Variants in GRID2 observed in about 807,000 individuals in gnomAD.
GRID2 encodes glutamate receptor ionotropic, delta-2.
Under a neutral mutation model 114.8 loss-of-function variants are expected in GRID2, and 33 were observed. That is an observed-to-expected ratio of 0.29 (90% CI 0.22 to 0.38). GRID2 has a LOEUF of 0.38. GRID2 is among the 10% of genes least tolerant of loss of function. GRID2 has a pLI of 1.00. For synonymous variants in GRID2, 505 were observed against 449.9 expected (o/e 1.12, Z -1.55); for missense variants, 1,184 against 1,257.7 (o/e 0.94, Z 0.89).
intron 1 of GRID2, among the ~76,000 whole-genome samples, chr4:92,356,783 A>T (rs1247950809): frequency 6.6e-6 from 1 of 151,818 alleles, no homozygotes; most frequent in Admixed American, 6.6e-5. Context: ...TGAAAAAATC[A>T]ATGCAAAAAG....
intron 8 of GRID2, among the ~76,000 whole-genome samples, chr4:93,322,755 G>C (rs567041328): frequency 6.6e-6 from 1 of 152,118 alleles, no homozygotes; most frequent in Non-Finnish European, 1.5e-5. Context: ...GTGTGAGATG[G>C]TATCTCATTG....
At chr4:92,589,166 A>G (rs768672192) in intron 1 of GRID2, among the ~76,000 whole-genome samples, 2 of 152,182 alleles carry the variant, frequency 1.3e-5, no homozygotes, top group Admixed American at 6.5e-5. Context: ...CCAGCTCCAC[A>G]CTGGCTTTAT....
intron 1 of GRID2, among the ~76,000 whole-genome samples, chr4:92,316,473 T>C (rs1725986787): frequency 2.6e-5 from 4 of 152,140 alleles, no homozygotes; most frequent in African/African-American, 9.7e-5. Context: ...CATATTCCAT[T>C]TGCAGAACAT....
intron 2 of GRID2, among the ~76,000 whole-genome samples, chr4:92,601,544 G>A (rs1441185849): frequency 2.6e-5 from 4 of 152,042 alleles, no homozygotes; most frequent in Admixed American, 2.0e-4. Flanking sequence ...TGTCAAGAGG[G>A]AAATTTATAG....
At chr4:92,599,273 C>G (rs906923694) in intron 2 of GRID2, among the ~76,000 whole-genome samples, 1 of 151,976 alleles carries the variant, frequency 6.6e-6, no homozygotes, top group Non-Finnish European at 1.5e-5. Context: ...AGGCTTAATA[C>G]AATCGGTGAA....
chr4:93,021,735 G>A (rs1578773736), intron 2 of GRID2, among the ~76,000 whole-genome samples: 2 of 142,170 alleles, frequency 1.4e-5, no homozygotes, highest in East Asian at 4.0e-4. Context: ...TGTATATTAT[G>A]AATATTATAA....
intron 12 of GRID2, among the ~76,000 whole-genome samples, chr4:93,491,198 A>T (rs1726969278): frequency 6.6e-6 from 1 of 151,966 alleles, no homozygotes; most frequent in Admixed American, 6.6e-5. Flanking sequence ...TTTGAGAGAT[A>T]GACGGATGAT....
chr4:92,399,307 G>C (rs182663179), intron 1 of GRID2, among the ~76,000 whole-genome samples: 1 of 151,942 alleles, frequency 6.6e-6, no homozygotes, highest in Non-Finnish European at 1.5e-5. Context: ...CCCTTCCTCC[G>C]TTGAGCTCAT....
intron 6 of GRID2, 143 bp downstream of exon 6, chr4:93,217,054 G>C: frequency 1.9e-6 from 1 of 538,842 alleles, no homozygotes; most frequent in South Asian, 3.3e-5. Context: ...GTCTAATGGG[G>C]AGAAAGTGCT....
At chr4:92,385,393 A>ATT (rs1217630857) in intron 1 of GRID2, among the ~76,000 whole-genome samples, 6 of 151,934 alleles carry the variant, frequency 3.9e-5, no homozygotes, top group Admixed American at 2.6e-4. Flanking sequence ...AGATATTTTA[A>ATT]TTGTGGCAAC....
chr4:93,211,074 C>T (rs1186156633), intron 5 of GRID2, among the ~76,000 whole-genome samples: 1 of 151,964 alleles, frequency 6.6e-6, no homozygotes, highest in African/African-American at 2.4e-5. Context: ...TTGAAATGGC[C>T]ATTCTCCTGT....
chr4:93,527,080 C>T (rs979967486), intron 13 of GRID2, among the ~76,000 whole-genome samples: 2 of 151,924 alleles, frequency 1.3e-5, no homozygotes, highest in Non-Finnish European at 2.9e-5. Flanking sequence ...TCAAAAGGGC[C>T]CTCCCTCTCC....
At chr4:93,494,961 C>T (rs541833929) in intron 12 of GRID2, among the ~76,000 whole-genome samples, 8 of 151,860 alleles carry the variant, frequency 5.3e-5, no homozygotes, top group Admixed American at 3.9e-4. Flanking sequence ...CCAAAAGCTA[C>T]CTAGTTCACA....
chr4:93,626,991 T>C (rs1342640682), intron 14 of GRID2, among the ~76,000 whole-genome samples: 1 of 152,212 alleles, frequency 6.6e-6, no homozygotes, highest in Non-Finnish European at 1.5e-5. Context: ...TGAGACATTA[T>C]ATCCATTTTC....
intron 2 of GRID2, among the ~76,000 whole-genome samples, chr4:92,914,859 A>G (rs1020097616): frequency 6.6e-6 from 1 of 152,052 alleles, no homozygotes; most frequent in East Asian, 1.9e-4. Flanking sequence ...CTTTGCTATT[A>G]TAAGTAGTGC....
Position 92,384,466 on chromosome 4 carries a change from ATATATATATATATT to A in GRID2, c.88+79723_88+79736del, listed in dbSNP as rs1314919387. On this transcript the variant is annotated intron_variant, in intron 1 of 15. Transcript: ENST00000282020. The stretch of plus-strand genomic sequence containing the variant: ...TATATATATATATATATATATATAT[ATATATATATATATT>A]ATTTATATATAATAAAAATATATAT... 9.7e-4 allele frequency among the ~76,000 whole-genome samples: 43 copies of A among 44,278 alleles called. 1 individual carries two copies. Among genetic ancestry groups the A allele is most frequent in the African/African-American group, 4.0e-3 (40 of 10,090 alleles). 29.0% of individuals were successfully genotyped at this position (44,278 alleles called of 152,430 possible). A position where few individuals can be genotyped will look rare whatever the true frequency, so the allele number is the denominator to read the frequency against.
At chr4:92,752,426 G>T (rs898121254) in intron 2 of GRID2, among the ~76,000 whole-genome samples, 2 of 152,018 alleles carry the variant, frequency 1.3e-5, no homozygotes, top group Non-Finnish European at 2.9e-5. Context: ...CCTTTGAGTG[G>T]AATACTAAAC....
intron 4 of GRID2, among the ~76,000 whole-genome samples, chr4:93,126,968 C>A (rs1432704948): frequency 6.6e-6 from 1 of 152,126 alleles, no homozygotes; most frequent in East Asian, 1.9e-4. Context: ...TTTCACTTTA[C>A]CACTAATAAT....
intron 10 of GRID2, among the ~76,000 whole-genome samples, chr4:93,424,218 G>GA (rs879315631): frequency 4.8e-4 from 69 of 142,372 alleles, no homozygotes; most frequent in Middle Eastern, 3.6e-3. Flanking sequence ...GGTACAGAAA[G>GA]AAAAAAAAAA....
Sources: gnomAD v4.1 joint callset for allele counts (sites outside exome capture counted in the v4.1 genomes callset) on GRCh38, gnomAD v4.1.1 for gene constraint, MANE v1.5 for transcripts, NCBI Gene and HGNC (gene_info 2026-07-23, HGNC 2026-07-21) for gene names.